Variants in ZDHHC3 observed in about 807,000 individuals in gnomAD.
The protein encoded by ZDHHC3 is palmitoyltransferase ZDHHC3.
In ZDHHC3, 9 loss-of-function variants were observed where a neutral mutation model predicts 30.6. The observed-to-expected ratio is 0.29, with a 90% CI of 0.18 to 0.51. ZDHHC3 has a LOEUF of 0.51. Among genes scored for constraint, ZDHHC3 ranks in the 20% least tolerant of loss-of-function variants. The pLI, the probability that ZDHHC3 is intolerant of heterozygous loss-of-function variation, is 0.97. For missense variants in ZDHHC3, 246 were observed against 384.2 expected (o/e 0.64, Z 3.01); for synonymous variants, 136 against 140.2 (o/e 0.97, Z 0.21).
intron 2 of ZDHHC3, among the ~76,000 whole-genome samples, chr3:44,953,465 G>A (rs1703652035): frequency 6.6e-6 from 1 of 152,164 alleles, no homozygotes; most frequent in African/African-American, 2.4e-5. Context: ...GGAAAGTAGT[G>A]GAGACAGGTT....
chr3:44,938,331 T>C, intron 3 of ZDHHC3: 1 of 185,298 alleles, frequency 5.4e-6, no homozygotes, highest in Admixed American at 5.8e-5. Context: ...GCTCTACAGA[T>C]ACAGCACCGA....
chr3:44,932,762 G>A (rs1194335941), intron 5 of ZDHHC3: 2 of 707,750 alleles, frequency 2.8e-6, no homozygotes, highest in East Asian at 2.5e-5. Context: ...TTTGATTTAA[G>A]TGCCTCATGG....
In ZDHHC3 at chr3:44,933,007, T is replaced by C. The variant is rs74416112; in HGVS notation, c.610+111A>G. 7,374 of 1,613,976 alleles carry C rather than the reference T, an allele frequency of 4.6e-3. 194 individuals carry two copies. The African/African-American group carries it at 0.076, about 17-fold the overall frequency. ...GTCCATAGGCTTTCAGGAGATTTAA[T>C]AAAATGAGGTTGGCCCCTGGCACCA... On this transcript the variant is annotated intron_variant, in intron 5 of 6. Coordinates refer to ENST00000424952, the MANE Select transcript of ZDHHC3 (RefSeq NM_001135179.2).
intron 3 of ZDHHC3, chr3:44,938,000 T>A: frequency 2.4e-6 from 1 of 411,648 alleles, no homozygotes; most frequent in South Asian, 1.8e-5. Context: ...CTTTTTTTTT[T>A]GGAGACAGAG....
chr3:44,924,027 G>A lies in ZDHHC3; in HGVS notation c.*2662C>T. The A allele has an allele frequency of 1.0e-6, 1 of 985,410 alleles. No homozygotes were observed. Among genetic ancestry groups the A allele is most frequent in the South Asian group, 4.7e-5 (1 of 21,288 alleles). 61.0% of individuals were successfully genotyped at this position (985,410 alleles called of 1,614,324 possible). On this transcript the variant is annotated 3_prime_UTR_variant, in exon 7 of 7. Transcript: ENST00000424952. ...GTTGACAGAAGGAAAGCAAGCTGGGGATCACAATCCAACAAGCCACATCTT... is the reference window on the plus strand; with the variant it reads ...GTTGACAGAAGGAAAGCAAGCTGGGAATCACAATCCAACAAGCCACATCTT...
chr3:44,929,176 A>C, intron 6 of ZDHHC3, 130 bp downstream of exon 6: 20 of 1,232,148 alleles, frequency 1.6e-5, no homozygotes, highest in Non-Finnish European at 2.2e-5. Flanking sequence ...CAAACAAAGA[A>C]CTGTGCCCTG....
At chr3:44,930,677 T>C (rs2125818605) in intron 5 of ZDHHC3, among the ~76,000 whole-genome samples, 1 of 152,368 alleles carries the variant, frequency 6.6e-6, no homozygotes, top group East Asian at 1.9e-4. Context: ...AAGCACCATG[T>C]GGGTGACAGG....
At chr3:44,950,398 A>G (rs955207496) in intron 2 of ZDHHC3, among the ~76,000 whole-genome samples, 2 of 152,202 alleles carry the variant, frequency 1.3e-5, no homozygotes, top group Middle Eastern at 3.2e-3. Context: ...TGTATAAAAG[A>G]CTGCAAGAGG....
chr3:44,959,735 TG>T lies in ZDHHC3; in HGVS notation c.-24-276del, dbSNP rs1348688176. ...CAAGGTCAGCCAGAGCAGAAGCAGG[TG>T]ACACAGCCTGCCAATTTGTTTTTTT... On this transcript the variant is annotated intron_variant, in intron 1 of 6. Transcript: ENST00000424952. This position sits in a 1 kb window ranked among gnomAD's most constrained non-coding sequence, Gnocchi z 4.3. 6.6e-6 allele frequency among the ~76,000 whole-genome samples: 1 copy of T among 152,114 alleles called. No individual in the cohort carries two copies. The highest frequency in any genetic ancestry group is 1.5e-5 in the Non-Finnish European group (1 of 67,998).
At chr3:44,963,098 G>T (rs1459208952) in intron 1 of ZDHHC3, among the ~76,000 whole-genome samples, 2 of 152,188 alleles carry the variant, frequency 1.3e-5, no homozygotes, top group Admixed American at 1.3e-4. Flanking sequence ...CTTAGTTTCA[G>T]GACTGTGACC....
rs1328172386 is a variant in ZDHHC3, at chr3:44,920,301, G to A, written c.*6388C>T. On this transcript the variant is annotated 3_prime_UTR_variant, in exon 7 of 7. Transcript: ENST00000424952. ...GACCAGCTGAGATGGTTTGCTTTGG[G>A]CATTCTGCATTCTCTTCCTGGGTGA... 1.6e-6 allele frequency: 2 copies of A among 1,289,764 alleles called. No homozygotes were observed. The highest frequency in any genetic ancestry group is 3.0e-5 in the African/African-American group (2 of 65,856). The allele number at this position is 1,289,764 out of a possible 1,614,324, so 79.9% of individuals were successfully genotyped here. A position where few individuals can be genotyped will look rare whatever the true frequency, so the allele number is the denominator to read the frequency against.
At position 44,921,929 on chromosome 3, in the gene ZDHHC3, T is replaced by A; in HGVS notation, c.*4760A>T. Reference sequence around the variant, plus strand: ...CTAGAAGGCTTTTAGCGAACGTCCCTCTGCAGCGCTTGTCCTCACTCCTTG... The same window carrying A: ...CTAGAAGGCTTTTAGCGAACGTCCCACTGCAGCGCTTGTCCTCACTCCTTG... On this transcript the variant is annotated 3_prime_UTR_variant, in exon 7 of 7. Transcript: ENST00000424952. The A allele has an allele frequency of 1.0e-6, 1 of 985,412 alleles. No homozygotes were observed. The highest frequency in any genetic ancestry group is 1.2e-6 in the Non-Finnish European group (1 of 829,928). The allele number at this position is 985,412 out of a possible 1,614,324, so 61.0% of individuals were successfully genotyped here.
At chr3:44,962,153 C>CT (rs1473740516) in intron 1 of ZDHHC3, among the ~76,000 whole-genome samples, 3 of 151,758 alleles carry the variant, frequency 2.0e-5, no homozygotes, top group African/African-American at 7.3e-5. Flanking sequence ...CTCTATCAAA[C>CT]TGTTTTTTTT....
rs1488898527 is a variant in ZDHHC3 at position 44,917,355 on chromosome 3, T to A, written c.*9334A>T. 3 of 162,034 alleles carry A rather than the reference T, an allele frequency of 1.9e-5. No homozygotes were observed. Among genetic ancestry groups the A allele is most frequent in the African/African-American group, 7.2e-5 (3 of 41,532 alleles). 10.0% of individuals were successfully genotyped at this position (162,034 alleles called of 1,614,324 possible). A position where few individuals can be genotyped will look rare whatever the true frequency, so the allele number is the denominator to read the frequency against. ...CGGCAGGCAGCATGGGGAAGCCCTT[T>A]CCAGGGAGTAGCTGGCAGCTCTGCA... On this transcript the variant is annotated 3_prime_UTR_variant, in exon 7 of 7. Transcript: ENST00000424952.
intron 3 of ZDHHC3, among the ~76,000 whole-genome samples, chr3:44,943,414 G>A (rs1432832671): frequency 1.3e-5 from 2 of 152,138 alleles, no homozygotes; most frequent in African/African-American, 4.8e-5. Context: ...GATGACTGAC[G>A]CTGAGGCAGG....
At chr3:44,932,462 GAA>G (rs1053009003) in intron 5 of ZDHHC3, among the ~76,000 whole-genome samples, 2 of 152,204 alleles carry the variant, frequency 1.3e-5, no homozygotes, top group Admixed American at 1.3e-4. Context: ...TTGTGAGTAT[GAA>G]AGAGCCAGCC....
chr3:44,932,806 G>T, intron 5 of ZDHHC3: 1 of 1,056,092 alleles, frequency 9.5e-7, no homozygotes, highest in Non-Finnish European at 1.4e-6. Context: ...TCCCAGCATG[G>T]CTCCCACGCA....
At chr3:44,975,886 T>A in intron 1 of ZDHHC3, 47 bp downstream of exon 1, 1 of 172,014 alleles carries the variant, frequency 5.8e-6, no homozygotes, top group Non-Finnish European at 1.2e-5. Context: ...GAGGCTCGCC[T>A]CACCCCAGCT....
rs199799888 is a variant in ZDHHC3 at position 44,959,920 on chromosome 3, CCTGG to C, written c.-24-464_-24-461del. On this transcript the variant is annotated intron_variant, in intron 1 of 6. Transcript: ENST00000424952. This position sits in a 1 kb window ranked among gnomAD's most constrained non-coding sequence, Gnocchi z 4.3. ...AGAACTACAGGCACGCACCACCACACCTGGCTAATTTTTATATTTTTTTGTAGAG... is the reference window on the plus strand; with the variant it reads ...AGAACTACAGGCACGCACCACCACACCTAATTTTTATATTTTTTTGTAGAG... Among the ~76,000 whole-genome samples the C allele has an allele frequency of 0.018, 2,787 of 152,280 alleles. 44 individuals are homozygous for C. The highest frequency in any genetic ancestry group is 0.085 in the Middle Eastern group (25 of 294).
Sources: gnomAD v4.1 joint callset for allele counts (sites outside exome capture counted in the v4.1 genomes callset) on GRCh38, gnomAD v4.1.1 for gene constraint, Gnocchi (gnomAD v3.1) non-coding constraint, MANE v1.5 for transcripts, NCBI Gene and HGNC (gene_info 2026-07-23, HGNC 2026-07-21) for gene names.